The following NCALD variants were observed in gnomAD, a reference collection of about 807,000 sequenced individuals.
NCALD encodes the protein neurocalcin-delta.
NCALD carries 10 observed loss-of-function variants against 18.6 expected under a neutral mutation model. That is an observed-to-expected ratio of 0.54 (90% CI 0.33 to 0.91). The LOEUF (loss-of-function observed/expected upper bound fraction) is 0.91, where lower values mean the gene tolerates loss of function less well. Among genes scored for constraint, NCALD ranks in the 40% least tolerant of loss-of-function variants. The probability of loss-of-function intolerance (pLI) is 0.03; values close to 1 mark genes in which losing one functional copy is unlikely to be tolerated. For synonymous variants in NCALD, 88 were observed against 87.4 expected, an observed-to-expected ratio of 1.01 and a Z score of -0.04; for missense variants, 184 against 247.6, an observed-to-expected ratio of 0.74 and a Z score of 1.72.
upstream of NCALD, among the ~76,000 whole-genome samples, chr8:101,792,772 A>C (rs1812492813): frequency 6.6e-6 from 1 of 152,184 alleles, no homozygotes; most frequent in Non-Finnish European, 1.5e-5. Flanking sequence ...CTCTGGCTCT[A>C]ATCCATAGCT....
chr8:101,930,224 C>T (rs1468816086), intron 2 of NCALD, among the ~76,000 whole-genome samples: 1 of 151,972 alleles, frequency 6.6e-6, no homozygotes, highest in Non-Finnish European at 1.5e-5. Context: ...CTACCAGATG[C>T]ATGTATACAT....
intron 3 of NCALD, among the ~76,000 whole-genome samples, chr8:101,901,877 G>C (rs1371569517): frequency 2.0e-5 from 3 of 151,638 alleles, no homozygotes; most frequent in Admixed American, 6.6e-5. Flanking sequence ...TGCAACCTCT[G>C]CCTCCTGAGT....
chr8:102,091,426 C>A (rs1824919914), intron 1 of NCALD, among the ~76,000 whole-genome samples: 1 of 152,158 alleles, frequency 6.6e-6, no homozygotes, highest in Non-Finnish European at 1.5e-5. Context: ...TTGCTGTGAA[C>A]CAACCAATGA....
chr8:102,053,980 A>G (rs1823542121), intron 1 of NCALD, among the ~76,000 whole-genome samples: 1 of 152,216 alleles, frequency 6.6e-6, no homozygotes, highest in African/African-American at 2.4e-5. Context: ...CAATCTATAC[A>G]TATGTGATTC....
intron 2 of NCALD, among the ~76,000 whole-genome samples, chr8:101,970,934 A>G (rs1361704394): frequency 6.6e-6 from 1 of 152,166 alleles, no homozygotes; most frequent in Non-Finnish European, 1.5e-5. Context: ...TTATGAGTAT[A>G]TTAATGCCAT....
At chr8:101,899,665 A>G (rs543091974) in intron 3 of NCALD, among the ~76,000 whole-genome samples, 1 of 152,020 alleles carries the variant, frequency 6.6e-6, no homozygotes, top group East Asian at 1.9e-4. Flanking sequence ...TAGACTGTTT[A>G]TATAGTGAAT....
At chr8:101,714,778 T>C (rs1364292054) in intron 2 of NCALD, among the ~76,000 whole-genome samples, 1 of 150,846 alleles carries the variant, frequency 6.6e-6, no homozygotes, top group Non-Finnish European at 1.5e-5. Context: ...GGGTGGATCA[T>C]GAGGTCAGGA....
intron 1 of NCALD, among the ~76,000 whole-genome samples, chr8:102,064,683 G>A (rs1315330256): frequency 1.3e-5 from 2 of 152,164 alleles, no homozygotes; most frequent in Non-Finnish European, 2.9e-5. Context: ...AGGGTCAAGT[G>A]CAGTGTCTAC....
At chr8:101,794,347 AGTAGAAAGAAATG>A (rs1812556590), upstream of NCALD, among the ~76,000 whole-genome samples, 2 of 152,202 alleles carry the variant, frequency 1.3e-5, no homozygotes, top group South Asian at 4.1e-4. Context: ...AATGTTGAAG[AGTAGAAAGAAATG>A]GTTCCTTTTT....
intron 2 of NCALD, among the ~76,000 whole-genome samples, chr8:102,020,019 T>C (rs1563547769): frequency 6.6e-6 from 1 of 152,198 alleles, no homozygotes; most frequent in Non-Finnish European, 1.5e-5. Context: ...TTCTCTCCTT[T>C]TCATTTTGTA....
intron 2 of NCALD, among the ~76,000 whole-genome samples, chr8:101,697,091 A>C (rs1272126549): frequency 1.3e-5 from 2 of 152,212 alleles, no homozygotes; most frequent in Non-Finnish European, 2.9e-5. Context: ...AAATAGACAC[A>C]ATAAAAAATG....
chr8:102,023,852 T>C (rs1421604196), intron 1 of NCALD, among the ~76,000 whole-genome samples: 1 of 152,178 alleles, frequency 6.6e-6, no homozygotes, highest in Non-Finnish European at 1.5e-5. Flanking sequence ...TAGCTGTGTT[T>C]CCGTCTCAAT....
rs1041114886 is a variant in NCALD, at chr8:101,887,139, A to G, written c.-20+2T>C. The stretch of plus-strand genomic sequence containing the variant: ...TTTCAAGAGATTAAAAAACTAACTC[A>G]CAGTATGCAGTCACTCAGTGCCTGG... On this transcript the variant is annotated splice_donor_variant, in intron 4 of 6. Transcript: ENST00000311028. LOFTEE classifies it low-confidence loss of function (5UTR_SPLICE). 2.0e-5 allele frequency: 3 copies of G among 152,164 alleles called. No homozygotes were observed. Among genetic ancestry groups the G allele is most frequent in the African/African-American group, 7.2e-5 (3 of 41,422 alleles). The allele number at this position is 152,164 out of a possible 1,614,324, so 9.4% of individuals were successfully genotyped here. A position where few individuals can be genotyped will look rare whatever the true frequency, so the allele number is the denominator to read the frequency against.
chr8:101,854,523 T>A (rs1011239353), intron 4 of NCALD, among the ~76,000 whole-genome samples: 1 of 152,170 alleles, frequency 6.6e-6, no homozygotes, highest in Non-Finnish European at 1.5e-5. Context: ...ATTCTAATAC[T>A]CTATTGTCAA....
intron 2 of NCALD, among the ~76,000 whole-genome samples, chr8:101,946,328 A>G (rs373145888): frequency 6.6e-6 from 1 of 152,234 alleles, no homozygotes; most frequent in East Asian, 1.9e-4. Flanking sequence ...TACATGGAGC[A>G]TGCCTTTAAG....
intron 4 of NCALD, among the ~76,000 whole-genome samples, chr8:101,833,470 T>A (rs185855319): frequency 1.2e-3 from 184 of 152,330 alleles, no homozygotes; most frequent in Non-Finnish European, 6.5e-4. Context: ...ATAACACAGT[T>A]CAGCAGACTG....
At chr8:101,857,003 G>A (rs11995782) in intron 4 of NCALD, among the ~76,000 whole-genome samples, 2,377 of 152,108 alleles carry the variant, frequency 0.016, 71 homozygotes, top group African/African-American at 0.052. Context: ...TACCTCTAGT[G>A]TATTATATAT....
intron 2 of NCALD, 89 bp downstream of exon 2, chr8:101,719,163 G>T: frequency 6.8e-7 from 1 of 1,480,844 alleles, no homozygotes; most frequent in South Asian, 1.4e-5. Context: ...TCACCAGTTT[G>T]CAACCTCTGC....
chr8:101,781,367 A>G (rs368888969), intron 1 of NCALD, among the ~76,000 whole-genome samples: 14 of 152,250 alleles, frequency 9.2e-5, no homozygotes, highest in Admixed American at 3.9e-4. Context: ...TTAAGTATAC[A>G]GATCTTGTAC....
Sources: allele counts gnomAD v4.1 joint callset (sites outside exome capture counted in the v4.1 genomes callset), GRCh38; gene constraint gnomAD v4.1.1; transcripts MANE v1.5; gene names NCBI Gene and HGNC (gene_info 2026-07-23, HGNC 2026-07-21).